CEP68: variants seen among roughly 807,000 people sequenced by gnomAD.
CEP68 encodes the protein centrosomal protein of 68 kDa.
A neutral mutation model predicts 55.3 loss-of-function variants in CEP68; 26 were observed. That is an observed-to-expected ratio of 0.47 (90% CI 0.34 to 0.65). CEP68 has a LOEUF of 0.65. Among genes scored for constraint, CEP68 ranks in the 30% least tolerant of loss-of-function variants. The pLI is 0.01. For synonymous variants in CEP68, 402 were observed against 383.2 expected (o/e 1.05, Z -0.57); for missense variants, 957 against 946.7 (o/e 1.01, Z -0.14).
rs116167830 is a variant in CEP68, at chr2:65,069,861, G to A, written c.357+60G>A. 9.0e-4 allele frequency: 1,271 copies of A among 1,414,918 alleles called. 18 individuals are homozygous for A. The African/African-American group carries it at 0.017, about 18-fold the overall frequency. 87.6% of individuals were successfully genotyped at this position (1,414,918 alleles called of 1,614,324 possible). ...TGCTGTCCTTTGGGAGTTTGTTCAG[G>A]ATTTCCTCACCATCTTGCATCCTTT... On this transcript the variant is annotated intron_variant, in intron 2 of 6. Coordinates refer to ENST00000377990, the MANE Select transcript of CEP68 (RefSeq NM_015147.3).
chr2:65,080,540 C>T (rs945026067), intron 5 of CEP68: 41 of 985,252 alleles, frequency 4.2e-5, no homozygotes, highest in Non-Finnish European at 4.7e-5. Flanking sequence ...CAAAAGCGTC[C>T]GTGCGCAGTG....
intron 4 of CEP68, chr2:65,074,667 C>T: frequency 2.3e-6 from 1 of 429,280 alleles, no homozygotes; most frequent in Non-Finnish European, 4.3e-6. Flanking sequence ...CTGGCAGGTG[C>T]AGTGGGACAA....
intron 4 of CEP68, chr2:65,075,251 T>C (rs1023994393): frequency 1.5e-5 from 2 of 137,766 alleles, no homozygotes; most frequent in African/African-American, 6.0e-5. Flanking sequence ...ACCTCGTCTC[T>C]ACAGAAAAAA....
intron 3 of CEP68, 192 bp from the exon 4 acceptor site, chr2:65,074,090 C>T: frequency 1.7e-6 from 1 of 580,264 alleles, no homozygotes; most frequent in Non-Finnish European, 2.9e-6. Flanking sequence ...TGATGTCACA[C>T]CAGGCTGTGG....
intron 1 of CEP68, among the ~76,000 whole-genome samples, chr2:65,067,146 G>A (rs907468431): frequency 6.6e-6 from 1 of 151,844 alleles, no homozygotes; most frequent in Non-Finnish European, 1.5e-5. Context: ...CACTTTGGGA[G>A]GTGGGTGGAT....
chr2:65,072,464 C>T lies in CEP68; in HGVS notation c.1368C>T (p.Thr456=), dbSNP rs751048637. The change falls in exon 3 of 7, where the codon ACC becomes ACT. Residue 456 remains threonine (T), a synonymous_variant. Coordinates refer to ENST00000377990, the MANE Select transcript of CEP68 (RefSeq NM_015147.3). ...PSPRPEREKR[T]SQSARRPTCT... ...CCAGGCCAGAGAGGGAGAAGAGGAC[C>T]AGCCAGAGTGCCCGGCGCCCTACCT... 1.9e-6 allele frequency: 3 copies of T among 1,614,056 alleles called. No individual in the cohort carries two copies. Among genetic ancestry groups the T allele is most frequent in the Non-Finnish European group, 2.5e-6 (3 of 1,180,014 alleles).
At chr2:65,071,329 C>G in intron 2 of CEP68, 125 bp from the exon 3 acceptor site, 1 of 759,978 alleles carries the variant, frequency 1.3e-6, no homozygotes, top group Admixed American at 2.7e-5. Flanking sequence ...AGGCAGCAGA[C>G]TTTGCATTTT....
In CEP68 at chr2:65,072,494, A is replaced by G. The variant is rs1676534343; in HGVS notation, c.1398A>G (p.Thr466=). Residue 466 remains threonine (T), a synonymous_variant, in exon 3 of 7, where the codon ACA becomes ACG. Coordinates refer to ENST00000377990, the MANE Select transcript of CEP68 (RefSeq NM_015147.3). The part of the protein sequence containing the change: ...TSQSARRPTC[T]ESRWKSEEEV... ...AGAGTGCCCGGCGCCCTACCTGCAC[A>G]GAGTCTAGGTGGAAATCAGAAGAGG... 6.2e-7 allele frequency: 1 copy of G among 1,614,082 alleles called. No homozygotes were observed. The highest frequency in any genetic ancestry group is 8.5e-7 in the Non-Finnish European group (1 of 1,180,002).
intron 5 of CEP68, among the ~76,000 whole-genome samples, chr2:65,078,786 C>T (rs533783456): frequency 4.6e-5 from 7 of 152,212 alleles, no homozygotes; most frequent in Non-Finnish European, 8.8e-5. Flanking sequence ...TCAGGTGATT[C>T]GCCTGCCTCA....
At chr2:65,057,360 G>A (rs1238141880) in intron 1 of CEP68, among the ~76,000 whole-genome samples, 1 of 152,168 alleles carries the variant, frequency 6.6e-6, no homozygotes, top group African/African-American at 2.4e-5. Flanking sequence ...TTTGCCTTGG[G>A]TTTAGTTGAA....
At position 65,085,825 on chromosome 2, in the gene CEP68, C is replaced by T. The variant is rs2103812251; in HGVS notation, c.*2191C>T. 1.3e-5 allele frequency: 2 copies of T among 152,052 alleles called. No homozygotes were observed. The highest frequency in any genetic ancestry group is 3.9e-4 in the East Asian group (2 of 5,166). 9.4% of individuals were successfully genotyped at this position (152,052 alleles called of 1,614,324 possible). A position where few individuals can be genotyped will look rare whatever the true frequency, so the allele number is the denominator to read the frequency against. Reference sequence around the variant, plus strand: ...GACTCTTGTCTCAAAAAAAAAAAATCAAGCTGAAATTGTTTCAGCCTAGTA... The same window carrying T: ...GACTCTTGTCTCAAAAAAAAAAAATTAAGCTGAAATTGTTTCAGCCTAGTA... On this transcript the variant is annotated 3_prime_UTR_variant, in exon 7 of 7. Coordinates refer to ENST00000377990, the MANE Select transcript of CEP68 (RefSeq NM_015147.3).
intron 4 of CEP68, among the ~76,000 whole-genome samples, chr2:65,076,370 A>G (rs1025244390): frequency 3.9e-5 from 6 of 152,174 alleles, no homozygotes; most frequent in African/African-American, 1.4e-4. Flanking sequence ...CTAGACGGAA[A>G]CAACCAGCTT....
chr2:65,059,479 C>T (rs372192381), intron 1 of CEP68, among the ~76,000 whole-genome samples: 1 of 152,266 alleles, frequency 6.6e-6, no homozygotes, highest in Admixed American at 6.5e-5. Context: ...ATCTCAAATT[C>T]TTTCTAGGGA....
At chr2:65,058,357 C>T (rs1413395808) in intron 1 of CEP68, among the ~76,000 whole-genome samples, 1 of 151,938 alleles carries the variant, frequency 6.6e-6, no homozygotes, top group African/African-American at 2.4e-5. Flanking sequence ...GTGCACATCA[C>T]CAGGCCCAGC....
intron 4 of CEP68, among the ~76,000 whole-genome samples, chr2:65,076,869 T>A (rs1676786763): frequency 6.6e-6 from 1 of 151,894 alleles, no homozygotes; most frequent in Non-Finnish European, 1.5e-5. Flanking sequence ...AGTTCAGGGG[T>A]TTGAGACCAG....
chr2:65,061,486 G>A (rs907272770), intron 1 of CEP68, among the ~76,000 whole-genome samples: 3 of 152,256 alleles, frequency 2.0e-5, no homozygotes, highest in African/African-American at 4.8e-5. Context: ...GGATGGCCTC[G>A]GCCCATGGCC....
chr2:65,068,830 A>G (rs1676320253), intron 1 of CEP68, among the ~76,000 whole-genome samples: 1 of 138,844 alleles, frequency 7.2e-6, no homozygotes, highest in Admixed American at 6.8e-5. Context: ...CCTGTCTCAG[A>G]AAAAAGAAAA....
intron 5 of CEP68, among the ~76,000 whole-genome samples, chr2:65,082,311 T>A (rs1410355706): frequency 6.6e-6 from 1 of 152,202 alleles, no homozygotes; most frequent in East Asian, 1.9e-4. Flanking sequence ...GTGGAGTCAG[T>A]GAGTTCTTTT....
At position 65,082,617 on chromosome 2, in the gene CEP68, T is replaced by A; in HGVS notation, c.2186T>A (p.Leu729Ter). The change falls in exon 6 of 7, where the codon TTG becomes TAG. Residue 729 changes from leucine to a stop codon, truncating the protein, a stop_gained. Coordinates refer to ENST00000377990, the MANE Select transcript of CEP68 (RefSeq NM_015147.3). LOFTEE classifies it high-confidence loss of function. ...SHADRLYDSI[L>*]ASLDMLAGCT... Reference sequence around the variant, plus strand: ...GCAGATCGCCTGTATGACTCTATCTTGGCCTCTCTGGACATGCTGGCTGGC... The same window carrying A: ...GCAGATCGCCTGTATGACTCTATCTAGGCCTCTCTGGACATGCTGGCTGGC... 1 of 1,612,540 alleles carries A rather than the reference T, an allele frequency of 6.2e-7. No homozygotes were observed. The highest frequency in any genetic ancestry group is 8.5e-7 in the Non-Finnish European group (1 of 1,179,432).
Sources: allele counts gnomAD v4.1 joint callset (sites outside exome capture counted in the v4.1 genomes callset), GRCh38; gene constraint gnomAD v4.1.1; transcripts MANE v1.5; gene names NCBI Gene and HGNC (gene_info 2026-07-23, HGNC 2026-07-21).